SETD2: variants seen among roughly 807,000 people sequenced by gnomAD.
SETD2 encodes histone-lysine N-methyltransferase SETD2.
A neutral mutation model predicts 242.1 loss-of-function variants in SETD2; 31 were observed. That is an observed-to-expected ratio of 0.13 (90% CI 0.10 to 0.17). SETD2 has a LOEUF of 0.17. SETD2 is among the 10% of genes least tolerant of loss of function. The pLI, the probability that SETD2 is intolerant of heterozygous loss-of-function variation, is 1.00. For synonymous variants in SETD2, 1,006 were observed against 1,066.5 expected, an observed-to-expected ratio of 0.94 and a Z score of 1.11; for missense variants, 2,481 against 3,046.3, an observed-to-expected ratio of 0.81 and a Z score of 4.37.
rs553456784 is a variant in SETD2, at chr3:47,113,663, G to A, written c.4715+213C>T. The stretch of plus-strand genomic sequence containing the variant: ...AGCCTGGCCAACATGGTGAAACAAC[G>A]TCTCTACCAAAAAAATACAAAAAAA... On this transcript the variant is annotated intron_variant, in intron 5 of 20. Transcript: ENST00000409792. Among the ~76,000 whole-genome samples the A allele has an allele frequency of 7.2e-5, 11 of 152,046 alleles. No individual in the cohort carries two copies. The East Asian group carries it at 2.1e-3, about 29-fold the overall frequency.
In SETD2 at chr3:47,124,405, G is replaced by A. The variant is rs955155710; in HGVS notation, c.231C>T (p.Phe77=). 5.2e-6 allele frequency: 8 copies of A among 1,551,902 alleles called. No individual in the cohort carries two copies. The African/African-American group carries it at 6.8e-5, about 13-fold the overall frequency. The part of the protein sequence containing the change: ...EQGRQKVSFS[F]SLTKKTLQNR... ...TCTGCAAAGTTTTCTTTGTAAGGCT[G>A]AAGCTGAATGACACCTTCTGTCGTC... Residue 77 remains phenylalanine (F), a synonymous_variant, in exon 3 of 21, where the codon TTC becomes TTT. Coordinates refer to ENST00000409792, the MANE Select transcript of SETD2 (RefSeq NM_014159.7).
chr3:47,151,110 A>C (rs1481312661), intron 1 of SETD2, among the ~76,000 whole-genome samples: 1 of 152,030 alleles, frequency 6.6e-6, no homozygotes, highest in African/African-American at 2.4e-5. Flanking sequence ...TCCTCCATTA[A>C]AAGAGAAGAA....
intron 15 of SETD2, among the ~76,000 whole-genome samples, chr3:47,049,647 C>A (rs1457749375): frequency 1.4e-5 from 2 of 147,938 alleles, no homozygotes; most frequent in African/African-American, 4.9e-5. Flanking sequence ...GCTGGGATTA[C>A]AGGTGTGAGC....
At chr3:47,052,713 G>A (rs2039901571) in intron 15 of SETD2, among the ~76,000 whole-genome samples, 1 of 151,942 alleles carries the variant, frequency 6.6e-6, no homozygotes, top group Non-Finnish European at 1.5e-5. Context: ...AGCTACTAGT[G>A]AGGCTGAGGC....
Position 47,071,280 on chromosome 3 carries a change from C to T in SETD2, c.6061-4162G>A, listed in dbSNP as rs142222088. ...CTAGGTGCAAACCTCAACTAACACA[C>T]AATTCATACACACTCAAGCTATAAT... On this transcript the variant is annotated intron_variant, in intron 12 of 20. Coordinates refer to ENST00000409792, the MANE Select transcript of SETD2 (RefSeq NM_014159.7). Among the ~76,000 whole-genome samples the T allele has an allele frequency of 1.7e-3, 263 of 152,304 alleles. 2 individuals are homozygous for T. The highest frequency in any genetic ancestry group is 5.6e-3 in the African/African-American group (231 of 41,570).
intron 2 of SETD2, 115 bp from the exon 3 acceptor site, chr3:47,124,663 T>C: frequency 2.3e-6 from 2 of 887,980 alleles, no homozygotes; most frequent in South Asian, 2.0e-5. Context: ...TAACAAATAG[T>C]ATGAATTTCA....
Position 47,137,335 on chromosome 3 carries a change from G to A in SETD2, c.72-10672C>T, listed in dbSNP as rs1225252616. On this transcript the variant is annotated intron_variant, in intron 1 of 20. Coordinates refer to ENST00000409792, the MANE Select transcript of SETD2 (RefSeq NM_014159.7). Reference sequence around the variant, plus strand: ...AGCTTCCCGAGTAGCTGAGACTACAGGCAAGCACCACCACACCCAGCTAAT... The same window carrying A: ...AGCTTCCCGAGTAGCTGAGACTACAAGCAAGCACCACCACACCCAGCTAAT... Among the ~76,000 whole-genome samples, 4 of 152,048 alleles carry A rather than the reference G, an allele frequency of 2.6e-5. No homozygotes were observed. In the East Asian group the frequency reaches 7.8e-4, roughly 30 times the overall value.
intron 17 of SETD2, 69 bp from the exon 18 acceptor site, chr3:47,037,846 G>T: frequency 9.7e-7 from 1 of 1,035,666 alleles, no homozygotes; most frequent in Non-Finnish European, 1.5e-6. Context: ...AAACATCACT[G>T]CTCATACATA....
intron 18 of SETD2, among the ~76,000 whole-genome samples, chr3:47,035,531 G>C (rs1294568555): frequency 6.6e-6 from 1 of 152,166 alleles, no homozygotes; most frequent in African/African-American, 2.4e-5. Flanking sequence ...CCTAACACAG[G>C]TCTTCATATA....
intron 15 of SETD2, among the ~76,000 whole-genome samples, chr3:47,052,500 C>T (rs1283592316): frequency 6.6e-6 from 1 of 152,022 alleles, no homozygotes; most frequent in Non-Finnish European, 1.5e-5. Context: ...TTTAAAGAGC[C>T]CACTCATTCA....
At chr3:47,141,000 A>G (rs1159103831) in intron 1 of SETD2, among the ~76,000 whole-genome samples, 1 of 151,958 alleles carries the variant, frequency 6.6e-6, no homozygotes, top group Admixed American at 6.6e-5. Flanking sequence ...CGCTTGGTTA[A>G]TATTGTTTTT....
Position 47,121,664 on chromosome 3 carries a change from T to C in SETD2, c.2972A>G (p.His991Arg), listed in dbSNP as rs2043094258. The C allele has an allele frequency of 6.2e-7, 1 of 1,613,592 alleles. No individual in the cohort carries two copies. Among genetic ancestry groups the C allele is most frequent in the Non-Finnish European group, 8.5e-7 (1 of 1,179,498 alleles). ...TACAACTTCTGAGTCATCAGAAGTA[T>C]GCACATGTCCTCCTTCTCCTCTTTC... ...LDERGEGGHV[H>R]TSDDSEVVFS... The change falls in exon 3 of 21, where the codon CAT becomes CGT. Residue 991 changes from histidine to arginine, a missense_variant. Around this residue, in one of 17 missense-constraint regions of SETD2, gnomAD observed 1,300 missense variants for 1,259.2 expected, o/e 1.03. Coordinates refer to ENST00000409792, the MANE Select transcript of SETD2 (RefSeq NM_014159.7).
chr3:47,072,970 G>GA (rs1395175055), intron 12 of SETD2, among the ~76,000 whole-genome samples: 4 of 143,514 alleles, frequency 2.8e-5, no homozygotes, highest in Non-Finnish European at 6.1e-5. Flanking sequence ...AAGAAAGAAA[G>GA]AAAGAAAAAA....
rs569071083 is a variant in SETD2, at chr3:47,041,605, T to C, written c.7238+956A>G. On this transcript the variant is annotated intron_variant, in intron 17 of 20. Coordinates refer to ENST00000409792, the MANE Select transcript of SETD2 (RefSeq NM_014159.7). ...CTACAAAAACATCTATCTTAACAATTTACGTAAGATTATATAGATGGGTGT... is the reference window on the plus strand; with the variant it reads ...CTACAAAAACATCTATCTTAACAATCTACGTAAGATTATATAGATGGGTGT... Among the ~76,000 whole-genome samples, 17 of 152,186 alleles carry C rather than the reference T, an allele frequency of 1.1e-4. No homozygotes were observed. The South Asian group carries it at 3.3e-3, about 30-fold the overall frequency.
At chr3:47,035,203 G>A (rs1326305003) in intron 18 of SETD2, among the ~76,000 whole-genome samples, 1 of 152,150 alleles carries the variant, frequency 6.6e-6, no homozygotes, top group Non-Finnish European at 1.5e-5. Flanking sequence ...TGATCTAGCA[G>A]GTCTGGGACA....
chr3:47,155,224 T>C (rs868403669), intron 1 of SETD2, among the ~76,000 whole-genome samples: 3 of 152,146 alleles, frequency 2.0e-5, no homozygotes, highest in South Asian at 2.1e-4. Context: ...TATCAGGTAA[T>C]AGTAGGGTTA....
At chr3:47,088,269 C>A (rs2041648880) in intron 9 of SETD2, 22 bp from the exon 10 acceptor site, 1 of 1,573,468 alleles carries the variant, frequency 6.4e-7, no homozygotes, top group Non-Finnish European at 8.6e-7. Flanking sequence ...AATAAAAATA[C>A]CTTTTTATAA....
rs59408277 is a variant in SETD2 at position 47,044,344 on chromosome 3, C to CAAAAAAAAAAAAAAAAAAAAAAAAAAAA, written c.7099-1672_7099-1645dup. ...TGGGCAACAAAGCAAGACTTCATCTCAAAAAAAAAAAAAAAAAAAAAAAAA... is the reference window on the plus strand; with the variant it reads ...TGGGCAACAAAGCAAGACTTCATCTCAAAAAAAAAAAAAAAAAAAAAAAAAAAAAAAAAAAAAAAAAAAAAAAAAAAAA... On this transcript the variant is annotated intron_variant, in intron 16 of 20. Coordinates refer to ENST00000409792, the MANE Select transcript of SETD2 (RefSeq NM_014159.7). 1.5e-4 allele frequency among the ~76,000 whole-genome samples: 5 copies of CAAAAAAAAAAAAAAAAAAAAAAAAAAAA among 33,948 alleles called. 1 individual carries two copies. The highest frequency in any genetic ancestry group is 3.4e-4 in the African/African-American group (3 of 8,738). 22.3% of individuals were successfully genotyped at this position (33,948 alleles called of 152,430 possible).
rs1242074423 is a variant in SETD2, at chr3:47,164,035, C to CA, written c.-112_-111insT. 8.2e-7 allele frequency: 1 copy of CA among 1,215,544 alleles called. No homozygotes were observed. Among genetic ancestry groups the CA allele is most frequent in the African/African-American group, 1.6e-5 (1 of 62,934 alleles). 75.3% of individuals were successfully genotyped at this position (1,215,544 alleles called of 1,614,324 possible). ...ACCGCGGCGGCGGCGGCGGCGGCGG[C>CA]GGCGGCGGCAGGGGCGGCCCGCGTC... On this transcript the variant is annotated 5_prime_UTR_variant, in exon 1 of 21. Transcript: ENST00000409792. The surrounding 1 kb of genome is among the most constrained non-coding windows in gnomAD (Gnocchi z 5.4).
Sources: gnomAD v4.1 joint callset for allele counts (sites outside exome capture counted in the v4.1 genomes callset) on GRCh38, gnomAD v4.1.1 for gene constraint, gnomAD v4.1.1 regional missense constraint, Gnocchi (gnomAD v3.1) non-coding constraint, MANE v1.5 for transcripts, NCBI Gene and HGNC (gene_info 2026-07-23, HGNC 2026-07-21) for gene names.